The following URB1 variants were observed in gnomAD, a reference collection of about 807,000 sequenced individuals.
URB1 encodes nucleolar pre-ribosomal-associated protein 1.
URB1 carries 197 observed loss-of-function variants against 242.3 expected under a neutral mutation model. That is an observed-to-expected ratio of 0.81 (90% confidence interval 0.72 to 0.91). The LOEUF (loss-of-function observed/expected upper bound fraction) is 0.91. Ranked by LOEUF, URB1 falls within the 40% of genes least tolerant of loss-of-function variation. The pLI is 0.00. For missense variants in URB1, 2,721 were observed against 2,860.5 expected, an observed-to-expected ratio of 0.95 and a Z score of 1.11; for synonymous variants, 1,153 against 1,201.8, an observed-to-expected ratio of 0.96 and a Z score of 0.84.
chr21:32,380,930 T>C (rs2033516053), intron 4 of URB1, among the ~76,000 whole-genome samples: 1 of 152,228 alleles, frequency 6.6e-6, no homozygotes, highest in Non-Finnish European at 1.5e-5. Context: ...AGACCTCCTG[T>C]GGGTCCCTCC....
chr21:32,346,897 C>A, intron 22 of URB1, 59 bp downstream of exon 22: 1 of 1,446,460 alleles, frequency 6.9e-7, no homozygotes, highest in South Asian at 1.5e-5. Flanking sequence ...CCATGCAGTT[C>A]ACCTTCTTAG....
intron 19 of URB1, 80 bp from the exon 20 acceptor site, chr21:32,351,002 C>A (rs2033151327): frequency 3.6e-6 from 5 of 1,371,608 alleles, no homozygotes; most frequent in East Asian, 2.5e-5. Context: ...AGGTAACACA[C>A]AACAAACGGA....
chr21:32,342,537 C>CTAT (rs991775244), intron 24 of URB1, among the ~76,000 whole-genome samples: 1 of 151,916 alleles, frequency 6.6e-6, no homozygotes, highest in African/African-American at 2.4e-5. Context: ...GGTGCAATGG[C>CTAT]TATTCATAGG....
At chr21:32,340,841 G>C (rs1237270471) in intron 25 of URB1, among the ~76,000 whole-genome samples, 1 of 152,112 alleles carries the variant, frequency 6.6e-6, no homozygotes, top group Non-Finnish European at 1.5e-5. Flanking sequence ...AGGGAGAACA[G>C]CCTAGACATT....
Position 32,378,661 on chromosome 21 carries a change from C to A in URB1, c.568-120G>T, listed in dbSNP as rs553306269. ...AACATCACCAGCCCCCCAGCCTTGT[C>A]CCCAGTCACCAGGGGATGCAAGTCT... On this transcript the variant is annotated intron_variant, in intron 4 of 38. Transcript: ENST00000382751. 83 of 792,854 alleles carry A rather than the reference C, an allele frequency of 1.0e-4. 1 individual carries two copies. Among genetic ancestry groups the A allele is most frequent in the Middle Eastern group, 7.0e-4 (3 of 4,312 alleles). The allele number at this position is 792,854 out of a possible 1,614,324, so 49.1% of individuals were successfully genotyped here. A position where few individuals can be genotyped will look rare whatever the true frequency, so the allele number is the denominator to read the frequency against.
chr21:32,352,938 G>C lies in URB1; in HGVS notation c.2417-32C>G, dbSNP rs1339735080. 4 of 1,508,214 alleles carry C rather than the reference G, an allele frequency of 2.7e-6. No homozygotes were observed. The East Asian group carries it at 9.9e-5, about 37-fold the overall frequency. The allele number at this position is 1,508,214 out of a possible 1,614,324, so 93.4% of individuals were successfully genotyped here. A position where few individuals can be genotyped will look rare whatever the true frequency, so the allele number is the denominator to read the frequency against. Reference sequence around the variant, plus strand: ...AGGAACGAGATGCATATGGGAAGAGGCTGGCTGGGCCCACCCTTCTGTGAC... The same window carrying C: ...AGGAACGAGATGCATATGGGAAGAGCCTGGCTGGGCCCACCCTTCTGTGAC... On this transcript the variant is annotated intron_variant, in intron 18 of 38. Coordinates refer to ENST00000382751, the MANE Select transcript of URB1 (RefSeq NM_014825.3).
Position 32,363,318 on chromosome 21 carries a change from G to T in URB1, c.1347C>A (p.Thr449=), listed in dbSNP as rs1208524449. ...GGGATAAGGCTGTGTGCCTCACTGA[G>T]GTGCTGTCCAACTGGGAAGAAAAAG... ...MFTQALNLDS[T]SVRHTALSLI... is the part of the protein sequence containing the mutation. Residue 449 remains threonine (T), a synonymous_variant, in exon 11 of 39, where the codon ACC becomes ACA. Transcript: ENST00000382751. 3.0e-5 allele frequency: 47 copies of T among 1,551,424 alleles called. No homozygotes were observed. The highest frequency in any genetic ancestry group is 4.1e-5 in the Non-Finnish European group (47 of 1,147,016).
In URB1 at chr21:32,334,433, TCACAC is replaced by T. The variant is rs2032933464; in HGVS notation, c.4686-104_4686-100del. On this transcript the variant is annotated intron_variant, in intron 28 of 38. Coordinates refer to ENST00000382751, the MANE Select transcript of URB1 (RefSeq NM_014825.3). ...AGGTAGCAGTTGTCAGGCTGCCAGT[TCACAC>T]CAGGTGCTGTTCTGAGCATGCGACG... is the stretch of plus-strand genomic sequence containing the variant. 4.4e-6 allele frequency: 6 copies of T among 1,352,280 alleles called. No homozygotes were observed. In the East Asian group the frequency reaches 1.5e-4, roughly 34 times the overall value. 83.8% of individuals were successfully genotyped at this position (1,352,280 alleles called of 1,614,324 possible).
In URB1 at chr21:32,339,282, C is replaced by T. The variant is rs192883175; in HGVS notation, c.4317-382G>A. Among the ~76,000 whole-genome samples the T allele has an allele frequency of 4.7e-4, 71 of 152,296 alleles. 1 individual carries two copies. The highest frequency in any genetic ancestry group is 3.4e-3 in the Middle Eastern group (1 of 294). The stretch of plus-strand genomic sequence containing the variant: ...GTGCAGGGATTACAGGCATGAGCCA[C>T]TGCGCCCGGCCATTTTCTCAGTATT... On this transcript the variant is annotated intron_variant, in intron 25 of 38. Transcript: ENST00000382751.
intron 18 of URB1, among the ~76,000 whole-genome samples, chr21:32,353,328 A>G (rs1055790618): frequency 2.1e-4 from 32 of 152,124 alleles, no homozygotes; most frequent in African/African-American, 7.2e-4. Flanking sequence ...TTCCCTTTCC[A>G]TGGTGATCTT....
rs568433322 is a variant in URB1 at position 32,390,310 on chromosome 21, C to T, written c.142+2459G>A. Among the ~76,000 whole-genome samples the T allele has an allele frequency of 2.0e-5, 3 of 152,284 alleles. No homozygotes were observed. In the East Asian group the frequency reaches 5.8e-4, roughly 29 times the overall value. On this transcript the variant is annotated intron_variant, in intron 1 of 38. Coordinates refer to ENST00000382751, the MANE Select transcript of URB1 (RefSeq NM_014825.3). ...CAATTAAACGTGCTCTTTCTTCTGC[C>T]AGTAAGGTTCCTGTCCCTGTCCCAT...
In URB1 at chr21:32,325,285, C is replaced by G; in HGVS notation, c.5065G>C (p.Val1689Leu). The G allele has an allele frequency of 6.4e-7, 1 of 1,551,728 alleles. No homozygotes were observed. ...DPQMRAIAYH[V>L]LAAYYSHLEG... Reference sequence around the variant, plus strand: ...AAGTGCGAGTAGTAGGCCGCCAGGACATGGTAGGCTATGGCTCGCATCTGG... The same window carrying G: ...AAGTGCGAGTAGTAGGCCGCCAGGAGATGGTAGGCTATGGCTCGCATCTGG... Residue 1689 changes from valine to leucine, a missense_variant, in exon 31 of 39, where the codon GTC becomes CTC. Transcript: ENST00000382751.
At chr21:32,382,701 G>A (rs190479356) in intron 4 of URB1, among the ~76,000 whole-genome samples, 1 of 152,178 alleles carries the variant, frequency 6.6e-6, no homozygotes, top group Non-Finnish European at 1.5e-5. Context: ...ATTCCAGCAG[G>A]GGAGCTGATA....
At chr21:32,351,302 G>A (rs1290758164) in intron 19 of URB1, among the ~76,000 whole-genome samples, 1 of 152,196 alleles carries the variant, frequency 6.6e-6, no homozygotes, top group African/African-American at 2.4e-5. Context: ...CGAGTGGCCT[G>A]CCTTCGGAAG....
chr21:32,345,657 G>C, intron 22 of URB1, 82 bp from the exon 23 acceptor site: 2 of 1,387,862 alleles, frequency 1.4e-6, no homozygotes, highest in South Asian at 1.5e-5. Context: ...GGAACTGGTT[G>C]CTATATTTTA....
In URB1 at chr21:32,354,906, G is replaced by T. The variant is rs1274493737; in HGVS notation, c.2198C>A (p.Thr733Lys). The change falls in exon 17 of 39, where the codon ACG becomes AAG. Residue 733 changes from threonine to lysine, a missense_variant. By Grantham distance (78) the Thr-to-Lys change is moderately conservative. Coordinates refer to ENST00000382751, the MANE Select transcript of URB1 (RefSeq NM_014825.3). The part of the protein sequence containing the change: ...QEASMLQATM[T>K]KQEADDMSIP... Reference sequence around the variant, plus strand: ...GCTCATGTCATCGGCTTCTTGCTTCGTCATAGTGGCCTGCAGCATGCTTGC... The same window carrying T: ...GCTCATGTCATCGGCTTCTTGCTTCTTCATAGTGGCCTGCAGCATGCTTGC... 6.4e-7 allele frequency: 1 copy of T among 1,552,358 alleles called. No homozygotes were observed. Among genetic ancestry groups the T allele is most frequent in the Non-Finnish European group, 8.7e-7 (1 of 1,147,150 alleles).
intron 38 of URB1, among the ~76,000 whole-genome samples, chr21:32,316,243 G>A (rs530162434): frequency 6.6e-6 from 1 of 152,196 alleles, no homozygotes; most frequent in Non-Finnish European, 1.5e-5. Context: ...AGCACCAAAG[G>A]TTTCCCCTGC....
At chr21:32,325,460 A>C in intron 30 of URB1, 71 bp from the exon 31 acceptor site, 1 of 1,485,332 alleles carries the variant, frequency 6.7e-7, no homozygotes, top group East Asian at 2.5e-5. Flanking sequence ...CTGGAGAATT[A>C]AATTTCCTCT....
At chr21:32,368,058 C>G (rs902090951) in intron 9 of URB1, among the ~76,000 whole-genome samples, 1 of 152,098 alleles carries the variant, frequency 6.6e-6, no homozygotes, top group Non-Finnish European at 1.5e-5. Context: ...CCTATGCCCC[C>G]CTACCTAGCT....
Sources: gnomAD v4.1 joint callset for allele counts (sites outside exome capture counted in the v4.1 genomes callset) on GRCh38, gnomAD v4.1.1 for gene constraint, MANE v1.5 for transcripts, NCBI Gene and HGNC (gene_info 2026-07-23, HGNC 2026-07-21) for gene names.